PREX2: variants seen among roughly 807,000 people sequenced by gnomAD.
PREX2 encodes the protein phosphatidylinositol-3,4,5-trisphosphate dependent Rac exchange factor 2.
Under a neutral mutation model 203.2 loss-of-function variants are expected in PREX2, and 107 were observed. That is an observed-to-expected ratio of 0.53 (90% CI 0.45 to 0.62). PREX2 has a LOEUF of 0.62. Among genes scored for constraint, PREX2 ranks in the 20% least tolerant of loss-of-function variants. PREX2 has a pLI of 0.00. For missense variants in PREX2, 1,777 were observed against 1,955.9 expected (o/e 0.91, Z 1.72); for synonymous variants, 672 against 663.6 (o/e 1.01, Z -0.19).
intron 32 of PREX2, among the ~76,000 whole-genome samples, chr8:68,135,099 T>TTGTGTGTGTGTGTGTG (rs9298129): frequency 4.2e-4 from 62 of 148,902 alleles, no homozygotes; most frequent in Middle Eastern, 3.5e-3. Context: ...AAAACAAATT[T>TTGTGTGTGTGTGTGTG]TGTGTGTGTG....
intron 1 of PREX2, among the ~76,000 whole-genome samples, chr8:67,953,855 T>A (rs1440712184): frequency 6.6e-6 from 1 of 152,192 alleles, no homozygotes; most frequent in Non-Finnish European, 1.5e-5. Flanking sequence ...TAACAAAGAT[T>A]GTCAAAAAAG....
chr8:68,005,414 G>T (rs573924951), intron 1 of PREX2, among the ~76,000 whole-genome samples: 2 of 152,244 alleles, frequency 1.3e-5, no homozygotes, highest in East Asian at 1.9e-4. Flanking sequence ...CACCAACTCT[G>T]CTTACAAACT....
rs750199325 is a variant in PREX2 at position 67,952,528 on chromosome 8, T to C, written c.134T>C (p.Leu45Pro). The change falls in exon 1 of 40, where the codon CTG becomes CCG. Residue 45 changes from leucine (L) to proline (P), a missense_variant. By Grantham distance (98) the Leu-to-Pro change is moderately conservative. Coordinates refer to ENST00000288368, the MANE Select transcript of PREX2 (RefSeq NM_024870.4). ...GACTATGTGGGCACGCTGGAGTTCCTGGTGTCGGTGAGTGTCCCCGGCAGA... is the reference window on the plus strand; with the variant it reads ...GACTATGTGGGCACGCTGGAGTTCCCGGTGTCGGTGAGTGTCCCCGGCAGA... ...ERDYVGTLEF[L>P]VSAFLHRMNQ... is the part of the protein sequence containing the mutation. The C allele has an allele frequency of 1.9e-6, 3 of 1,609,406 alleles. No individual in the cohort carries two copies. The highest frequency in any genetic ancestry group is 2.5e-6 in the Non-Finnish European group (3 of 1,177,976).
chr8:68,090,562 C>T lies in PREX2; in HGVS notation c.2114-17C>T, dbSNP rs76085823. The T allele has an allele frequency of 9.5e-6, 15 of 1,580,644 alleles. No individual in the cohort carries two copies. The East Asian group carries it at 2.9e-4, about 31-fold the overall frequency. ...CCTGAAATTTGTTTTTGGTTATTTTCTCATTTGTATTTATAGGAACTGTGG... is the reference window on the plus strand; with the variant it reads ...CCTGAAATTTGTTTTTGGTTATTTTTTCATTTGTATTTATAGGAACTGTGG... On this transcript the variant is annotated splice_polypyrimidine_tract_variant and intron_variant, in intron 19 of 39. Coordinates refer to ENST00000288368, the MANE Select transcript of PREX2 (RefSeq NM_024870.4).
chr8:68,204,495 A>C (rs1812569799), intron 37 of PREX2, among the ~76,000 whole-genome samples: 1 of 151,710 alleles, frequency 6.6e-6, no homozygotes, highest in African/African-American at 2.4e-5. Context: ...CTTCAATTCG[A>C]TTGCTTTTTT....
chr8:68,104,016 C>T (rs551329677), intron 23 of PREX2, among the ~76,000 whole-genome samples: 48 of 152,326 alleles, frequency 3.2e-4, no homozygotes, highest in African/African-American at 1.0e-3. Context: ...TCCCCTGCCC[C>T]ACCCCAGTGC....
intron 35 of PREX2, among the ~76,000 whole-genome samples, chr8:68,175,572 A>T (rs1811962297): frequency 6.6e-6 from 1 of 152,194 alleles, no homozygotes; most frequent in Non-Finnish European, 1.5e-5. Flanking sequence ...AGAAAAAGGC[A>T]GAAGGAACTG....
chr8:68,139,449 A>G (rs937575005), intron 33 of PREX2, among the ~76,000 whole-genome samples: 3 of 152,122 alleles, frequency 2.0e-5, no homozygotes, highest in Admixed American at 6.6e-5. Context: ...AGAGATGGAA[A>G]CAGCAAGGAG....
At chr8:68,156,811 C>T (rs1811551673) in intron 34 of PREX2, among the ~76,000 whole-genome samples, 1 of 152,188 alleles carries the variant, frequency 6.6e-6, no homozygotes, top group Non-Finnish European at 1.5e-5. Flanking sequence ...TATCTGTGAT[C>T]ATCTTCCTTC....
chr8:68,184,751 CG>C (rs978641707), intron 35 of PREX2, among the ~76,000 whole-genome samples: 11 of 151,886 alleles, frequency 7.2e-5, no homozygotes, highest in Admixed American at 2.0e-4. Context: ...TGCCAAGAAA[CG>C]GGGGGAAAAA....
intron 35 of PREX2, among the ~76,000 whole-genome samples, chr8:68,160,031 AT>A (rs1811625115): frequency 6.6e-6 from 1 of 152,216 alleles, no homozygotes; most frequent in African/African-American, 2.4e-5. Context: ...AAACAAAAAA[AT>A]CATTAAAAAT....
At chr8:68,174,858 A>T (rs535443441) in intron 35 of PREX2, among the ~76,000 whole-genome samples, 178 of 152,340 alleles carry the variant, frequency 1.2e-3, no homozygotes, top group Non-Finnish European at 1.9e-3. Context: ...GACTCACATC[A>T]TGATGACTTA....
chr8:67,988,872 A>T (rs1246653450), intron 1 of PREX2, among the ~76,000 whole-genome samples: 1 of 152,218 alleles, frequency 6.6e-6, no homozygotes, highest in Non-Finnish European at 1.5e-5. Flanking sequence ...TATCGCCAAG[A>T]GGCAGCATGG....
intron 38 of PREX2, among the ~76,000 whole-genome samples, chr8:68,222,244 A>G (rs1812967353): frequency 6.6e-6 from 1 of 152,136 alleles, no homozygotes; most frequent in Non-Finnish European, 1.5e-5. Context: ...TCTAAATACC[A>G]TTCTCCAATA....
At chr8:68,217,082 T>C (rs1467791306) in intron 37 of PREX2, among the ~76,000 whole-genome samples, 5 of 152,206 alleles carry the variant, frequency 3.3e-5, no homozygotes, top group Non-Finnish European at 7.3e-5. Context: ...ATCACATTTC[T>C]ATATAACCAG....
intron 37 of PREX2, among the ~76,000 whole-genome samples, chr8:68,216,968 C>CAAAAAAAAA (rs59972334): frequency 1.8e-5 from 2 of 112,888 alleles, no homozygotes. Context: ...CTCAAAAAAA[C>CAAAAAAAAA]AAAAAAAAAA....
chr8:67,966,459 A>G (rs998489662), intron 1 of PREX2, among the ~76,000 whole-genome samples: 3 of 151,902 alleles, frequency 2.0e-5, no homozygotes. Flanking sequence ...ATACAGAACT[A>G]AAAAATCTGT....
rs16934267 is a variant in PREX2 at position 68,167,841 on chromosome 8, A to G, written c.4346+10405A>G. Among the ~76,000 whole-genome samples, 634 of 152,320 alleles carry G rather than the reference A, an allele frequency of 4.2e-3. 8 individuals carry two copies. The highest frequency in any genetic ancestry group is 0.015 in the African/African-American group (604 of 41,566). On this transcript the variant is annotated intron_variant, in intron 35 of 39. Transcript: ENST00000288368. ...TTTAGAAAGCTTCTTAGGAGATTCTACTGTGCACCCCAAATTGGAAACAAA... is the reference window on the plus strand; with the variant it reads ...TTTAGAAAGCTTCTTAGGAGATTCTGCTGTGCACCCCAAATTGGAAACAAA...
chr8:68,001,071 A>C (rs1806923113), intron 1 of PREX2, among the ~76,000 whole-genome samples: 1 of 152,250 alleles, frequency 6.6e-6, no homozygotes, highest in African/African-American at 2.4e-5. Context: ...TGCCAAAGCA[A>C]TCATAACAAA....
Sources: gnomAD v4.1 joint callset for allele counts (sites outside exome capture counted in the v4.1 genomes callset) on GRCh38, gnomAD v4.1.1 for gene constraint, MANE v1.5 for transcripts, NCBI Gene and HGNC (gene_info 2026-07-23, HGNC 2026-07-21) for gene names.